ARMC2: variants seen among roughly 807,000 people sequenced by gnomAD.
The protein encoded by ARMC2 is armadillo repeat-containing protein 2.
Under a neutral mutation model 90.3 loss-of-function variants are expected in ARMC2, and 67 were observed. The ratio of observed to expected loss-of-function variants is 0.74; its 90% CI spans 0.61 to 0.91. The LOEUF (loss-of-function observed/expected upper bound fraction) is 0.91, where lower values mean the gene tolerates loss of function less well. ARMC2 is among the 40% of genes least tolerant of loss of function. The pLI is 0.00. For synonymous variants in ARMC2, 393 were observed against 393.0 expected (o/e 1.00, Z 0.00); for missense variants, 920 against 1,030.9 (o/e 0.89, Z 1.47).
the ARMC2 span, among the ~76,000 whole-genome samples, chr6:108,997,272 C>G: frequency 1.3e-5 from 2 of 152,148 alleles, no homozygotes; most frequent in Non-Finnish European, 2.9e-5. Flanking sequence ...CAATCAAGTA[C>G]TTTTTTCTTT....
intron 12 of ARMC2, among the ~76,000 whole-genome samples, chr6:108,938,599 C>CTTTTTTTTTTTTTTTTTTTTTTTTT (rs4027582): frequency 1.2e-5 from 1 of 83,114 alleles, no homozygotes; most frequent in Non-Finnish European, 2.2e-5. Context: ...CCATTACTAC[C>CTTTTTTTTTTTTTTTTTTTTTTTTT]TTTTTTTTTT....
chr6:109,026,040 A>C, the ARMC2 span, among the ~76,000 whole-genome samples: 1 of 152,144 alleles, frequency 6.6e-6, no homozygotes, highest in Non-Finnish European at 1.5e-5. Flanking sequence ...AAAAATTTCA[A>C]GGAAAGAGAT....
chr6:109,041,846 C>T, the ARMC2 span, among the ~76,000 whole-genome samples: 1 of 152,176 alleles, frequency 6.6e-6, no homozygotes, highest in South Asian at 2.1e-4. Flanking sequence ...TATAAACCAA[C>T]AGGATGTAAT....
At chr6:108,943,357 A>G (rs1776588548) in intron 12 of ARMC2, among the ~76,000 whole-genome samples, 1 of 152,148 alleles carries the variant, frequency 6.6e-6, no homozygotes, top group African/African-American at 2.4e-5. Flanking sequence ...AGGGGTATTG[A>G]TGAGGAATAA....
chr6:108,945,881 C>T (rs1019460223), intron 12 of ARMC2, among the ~76,000 whole-genome samples: 1 of 152,220 alleles, frequency 6.6e-6, no homozygotes, highest in African/African-American at 2.4e-5. Context: ...TAGGAAGGTG[C>T]CCCCACCCCT....
chr6:108,905,869 T>A (rs1246943328), intron 8 of ARMC2, among the ~76,000 whole-genome samples: 1 of 152,192 alleles, frequency 6.6e-6, no homozygotes, highest in Non-Finnish European at 1.5e-5. Context: ...AACCAGCAGT[T>A]CAGAAGGGAC....
At chr6:108,990,731 A>G in the ARMC2 span, 11 of 1,614,014 alleles carry the variant, frequency 6.8e-6, no homozygotes, top group African/African-American at 2.7e-5. Flanking sequence ...CCATTGTATT[A>G]TAAGTAAGAT....
chr6:108,936,356 A>G (rs1381796932), intron 11 of ARMC2, among the ~76,000 whole-genome samples: 2 of 152,160 alleles, frequency 1.3e-5, no homozygotes, highest in Non-Finnish European at 2.9e-5. Context: ...TCCTGAGTTC[A>G]AGCAGTTCTC....
rs1772463330 is a variant in ARMC2 at position 108,904,447 on chromosome 6, A to G, written c.1023+42A>G. On this transcript the variant is annotated intron_variant, in intron 8 of 17. Transcript: ENST00000392644. ...TCTGGTCTAGTAGACTATATCACAT[A>G]AAAGCTTTGTTTAATGCTTTATTTT... 12 of 1,497,776 alleles carry G rather than the reference A, an allele frequency of 8.0e-6. 1 individual carries two copies. In the South Asian group the frequency reaches 1.0e-4, roughly 13 times the overall value. 92.8% of individuals were successfully genotyped at this position (1,497,776 alleles called of 1,614,324 possible). A position where few individuals can be genotyped will look rare whatever the true frequency, so the allele number is the denominator to read the frequency against.
At chr6:108,946,457 G>C (rs1776817979) in intron 12 of ARMC2, among the ~76,000 whole-genome samples, 1 of 152,088 alleles carries the variant, frequency 6.6e-6, no homozygotes, top group African/African-American at 2.4e-5. Flanking sequence ...GTGCCCTATG[G>C]TCAGTTAGCA....
the ARMC2 span, among the ~76,000 whole-genome samples, chr6:109,036,368 T>C: frequency 2.6e-5 from 4 of 152,218 alleles, no homozygotes; most frequent in African/African-American, 9.7e-5. Flanking sequence ...ATTTTAACTT[T>C]AGACTGTAGT....
chr6:108,849,726 C>T (rs1260750), intron 1 of ARMC2, among the ~76,000 whole-genome samples: 28,176 of 152,178 alleles, frequency 0.19, 2,733 homozygotes, highest in African/African-American at 0.23. Flanking sequence ...ACTGTGCTAA[C>T]GCACTTTACA....
chr6:108,897,001 A>G (rs539948131), intron 6 of ARMC2, among the ~76,000 whole-genome samples: 18 of 152,342 alleles, frequency 1.2e-4, no homozygotes, highest in Non-Finnish European at 2.4e-4. Flanking sequence ...GTTATCCACA[A>G]ATATGAGCAA....
intron 11 of ARMC2, among the ~76,000 whole-genome samples, chr6:108,935,078 C>A (rs1333046693): frequency 6.6e-6 from 1 of 152,114 alleles, no homozygotes. Context: ...GAAACCGTAT[C>A]CTGGCTCTAG....
chr6:108,963,977 G>T (rs1778177070), intron 15 of ARMC2, among the ~76,000 whole-genome samples: 1 of 152,212 alleles, frequency 6.6e-6, no homozygotes, highest in Admixed American at 6.5e-5. Context: ...TCTGTCGATT[G>T]GGGGAGCCAA....
intron 9 of ARMC2, among the ~76,000 whole-genome samples, chr6:108,911,237 A>G (rs1163652474): frequency 6.6e-6 from 1 of 152,198 alleles, no homozygotes; most frequent in African/African-American, 2.4e-5. Context: ...ATGTGACTTT[A>G]CAAAGTGTTC....
At chr6:108,872,518 T>A (rs886503338) in intron 4 of ARMC2, among the ~76,000 whole-genome samples, 5 of 152,192 alleles carry the variant, frequency 3.3e-5, no homozygotes, top group Non-Finnish European at 7.3e-5. Flanking sequence ...AACCACCGTC[T>A]GCTCACTGGG....
chr6:108,938,599 C>CTTTTTTTTTTTTTTTTTTTTTTTTTTT (rs4027582), intron 12 of ARMC2, among the ~76,000 whole-genome samples: 3 of 83,104 alleles, frequency 3.6e-5, no homozygotes, highest in Non-Finnish European at 6.6e-5. Context: ...CCATTACTAC[C>CTTTTTTTTTTTTTTTTTTTTTTTTTTT]TTTTTTTTTT....
At chr6:108,912,302 T>C (rs1773517750) in intron 9 of ARMC2, 33 bp from the exon 10 acceptor site, 1 of 1,479,362 alleles carries the variant, frequency 6.8e-7, no homozygotes, top group Non-Finnish European at 9.3e-7. Flanking sequence ...GCTGTTATAC[T>C]CAGACATTTA....
Sources: allele counts gnomAD v4.1 joint callset (sites outside exome capture counted in the v4.1 genomes callset), GRCh38; gene constraint gnomAD v4.1.1; transcripts MANE v1.5; gene names NCBI Gene and HGNC (gene_info 2026-07-23, HGNC 2026-07-21).